BSN: variants seen among roughly 807,000 people sequenced by gnomAD.
BSN encodes bassoon presynaptic cytomatrix protein, also known as protein bassoon.
A neutral mutation model predicts 264.8 loss-of-function variants in BSN; 57 were observed. The observed-to-expected ratio is 0.22, with a 90% CI of 0.17 to 0.27. BSN has a LOEUF of 0.27. Ranked by LOEUF, BSN falls within the 10% of genes least tolerant of loss-of-function variation. The pLI is 1.00. For missense variants in BSN, 4,615 were observed against 5,232.5 expected (o/e 0.88, Z 3.64); for synonymous variants, 2,059 against 2,137.3 (o/e 0.96, Z 1.01).
Position 49,656,478 on chromosome 3 carries a change from G to A in BSN, c.6922G>A (p.Glu2308Lys), listed in dbSNP as rs748209761. The part of the protein sequence containing the change: ...RPEMPVGAAR[E>K]EPLPTTTPAA... ...AGAGATGCCAGTAGGGGCTGCACGG[G>A]AAGAGCCTCTTCCCACAACCACCCC... The change falls in exon 5 of 12, where the codon GAA becomes AAA. Residue 2308 changes from glutamate (E) to lysine (K), a missense_variant. Coordinates refer to ENST00000296452, the MANE Select transcript of BSN (RefSeq NM_003458.4). 14 of 1,597,114 alleles carry A rather than the reference G, an allele frequency of 8.8e-6. No homozygotes were observed. Among genetic ancestry groups the A allele is most frequent in the Non-Finnish European group, 1.1e-5 (13 of 1,170,332 alleles).
Position 49,653,979 on chromosome 3 carries a change from A to G in BSN, c.4423A>G (p.Ser1475Gly), listed in dbSNP as rs2108084075. 1 of 1,613,996 alleles carries G rather than the reference A, an allele frequency of 6.2e-7. No homozygotes were observed. Among genetic ancestry groups the G allele is most frequent in the South Asian group, 1.1e-5 (1 of 91,066 alleles). The change falls in exon 5 of 12, where the codon AGC becomes GGC. Residue 1475 changes from serine (S) to glycine (G), a missense_variant. Transcript: ENST00000296452. This position sits in a 1 kb window ranked among gnomAD's most constrained non-coding sequence, Gnocchi z 6.3. Reference sequence around the variant, plus strand: ...TTCCCGGGCATATTCCTACTTTGCAAGCTCCAGCCCACCTCTCTCCCCGTC... The same window carrying G: ...TTCCCGGGCATATTCCTACTTTGCAGGCTCCAGCCCACCTCTCTCCCCGTC... ...QPSRAYSYFA[S>G]SSPPLSPSSP...
rs1575448198 is a variant in BSN, at chr3:49,652,786, A to G, written c.3230A>G (p.Asp1077Gly). 6.4e-7 allele frequency: 1 copy of G among 1,550,766 alleles called. No individual in the cohort carries two copies. The highest frequency in any genetic ancestry group is 8.7e-7 in the Non-Finnish European group (1 of 1,147,726). The change falls in exon 5 of 12, where the codon GAC becomes GGC. Residue 1077 changes from aspartate to glycine, a missense_variant. By Grantham distance (94) the Asp-to-Gly change is moderately conservative. Coordinates refer to ENST00000296452, the MANE Select transcript of BSN (RefSeq NM_003458.4). ...AGCACGGCCCGCAAGACCCGGCGGG[A>G]CAAGGAAGAACTGCGGGCCCAGCGG... ...IRSTARKTRR[D>G]KEELRAQRRR...
Position 49,660,938 on chromosome 3 carries a change from G to A in BSN, c.9093G>A (p.Gln3031=). 1 of 1,612,042 alleles carries A rather than the reference G, an allele frequency of 6.2e-7. No individual in the cohort carries two copies. Among genetic ancestry groups the A allele is most frequent in the Non-Finnish European group, 8.5e-7 (1 of 1,180,008 alleles). Residue 3031 remains glutamine, a synonymous_variant, in exon 6 of 12, where the codon CAG becomes CAA. Coordinates refer to ENST00000296452, the MANE Select transcript of BSN (RefSeq NM_003458.4). This position sits in a 1 kb window ranked among gnomAD's most constrained non-coding sequence, Gnocchi z 7.1. ...RLQGCTTPAG[Q]FVDFPATAAA... ...AGGGCTGCACCACTCCCGCTGGCCAGTTTGTGGACTTCCCTGCCACTGCCG... is the reference window on the plus strand; with the variant it reads ...AGGGCTGCACCACTCCCGCTGGCCAATTTGTGGACTTCCCTGCCACTGCCG...
intron 2 of BSN, among the ~76,000 whole-genome samples, chr3:49,629,279 CCGTT>C (rs937150007): frequency 2.0e-5 from 3 of 152,248 alleles, no homozygotes; most frequent in African/African-American, 7.2e-5. Flanking sequence ...GTCCACCTTT[CCGTT>C]CTTCAGTGAC....
intron 1 of BSN, among the ~76,000 whole-genome samples, chr3:49,561,050 C>T (rs1053423277): frequency 6.6e-6 from 1 of 152,196 alleles, no homozygotes; most frequent in African/African-American, 2.4e-5. Context: ...CTAAAGAGAG[C>T]TTTGCTCTAG....
intron 1 of BSN, among the ~76,000 whole-genome samples, chr3:49,557,907 G>A (rs184550210): frequency 6.6e-5 from 10 of 152,242 alleles, no homozygotes; most frequent in Admixed American, 2.6e-4. Context: ...ATATCTAGTC[G>A]ATCAGCTAAG....
rs528489349 is a variant in BSN at position 49,651,151 on chromosome 3, G to A, written c.1986+72G>A. ...GTCTATGGAAAGGCTTGCCTCCCTG[G>A]GTGGCTGAGGCTGTAGGCTCAGGAC... On this transcript the variant is annotated intron_variant, in intron 4 of 11. Transcript: ENST00000296452. This position sits in a 1 kb window ranked among gnomAD's most constrained non-coding sequence, Gnocchi z 5.4. 122 of 1,459,358 alleles carry A rather than the reference G, an allele frequency of 8.4e-5. No homozygotes were observed. Among genetic ancestry groups the A allele is most frequent in the South Asian group, 1.3e-4 (10 of 77,534 alleles). The allele number at this position is 1,459,358 out of a possible 1,614,324, so 90.4% of individuals were successfully genotyped here.
At chr3:49,600,015 G>A (rs766154999) in intron 1 of BSN, among the ~76,000 whole-genome samples, 1 of 152,200 alleles carries the variant, frequency 6.6e-6, no homozygotes, top group Non-Finnish European at 1.5e-5. Context: ...ACAGGGATAG[G>A]CCCTTTGTAT....
intron 1 of BSN, among the ~76,000 whole-genome samples, chr3:49,558,622 A>G (rs1402584430): frequency 6.6e-6 from 1 of 152,250 alleles, no homozygotes; most frequent in Non-Finnish European, 1.5e-5. Flanking sequence ...GATAAAATGA[A>G]AGGACATAAT....
chr3:49,656,666 G>A lies in BSN; in HGVS notation c.7110G>A (p.Glu2370=). The A allele has an allele frequency of 6.2e-7, 1 of 1,606,370 alleles. No individual in the cohort carries two copies. Among genetic ancestry groups the A allele is most frequent in the Non-Finnish European group, 8.5e-7 (1 of 1,176,610 alleles). ...SQEERQRKQQ[E]QLLQLERERV... is the part of the protein sequence containing the mutation. ...AGGAGAGGCAGCGGAAGCAACAGGA[G>A]CAGCTGCTCCAGCTAGAGCGGGAGC... The change falls in exon 5 of 12, where the codon GAG becomes GAA. Residue 2370 remains glutamate (E), a synonymous_variant. Coordinates refer to ENST00000296452, the MANE Select transcript of BSN (RefSeq NM_003458.4).
chr3:49,589,588 C>T (rs1485749571), intron 1 of BSN, among the ~76,000 whole-genome samples: 2 of 149,022 alleles, frequency 1.3e-5, no homozygotes, highest in Non-Finnish European at 3.0e-5. Context: ...CTCACAGCAA[C>T]CTCCGCCTTC....
At chr3:49,581,749 A>G (rs983927896) in intron 1 of BSN, among the ~76,000 whole-genome samples, 3 of 152,182 alleles carry the variant, frequency 2.0e-5, no homozygotes, top group African/African-American at 7.2e-5. Flanking sequence ...GCTTGAACCC[A>G]GGAGGCAGAG....
At chr3:49,609,503 G>A (rs142102701) in intron 1 of BSN, among the ~76,000 whole-genome samples, 4 of 152,210 alleles carry the variant, frequency 2.6e-5, no homozygotes, top group Non-Finnish European at 2.9e-5. Flanking sequence ...CCCTGCCAAC[G>A]GCACTGCAGG....
rs774221060 is a variant in BSN, at chr3:49,656,583, G to A, written c.7027G>A (p.Gly2343Arg). The A allele has an allele frequency of 2.5e-6, 4 of 1,592,874 alleles. No homozygotes were observed. The African/African-American group carries it at 5.4e-5, about 21-fold the overall frequency. The change falls in exon 5 of 12, where the codon GGG (glycine) becomes AGG (arginine). Residue 2343 changes from glycine (G) to arginine (R), a missense_variant. Physicochemically the swap from Gly to Arg is moderately radical, Grantham distance 125. Around this residue, in one of 3 missense-constraint regions of BSN, gnomAD observed 3,415 missense variants for 3,866.4 expected, o/e 0.88. Coordinates refer to ENST00000296452, the MANE Select transcript of BSN (RefSeq NM_003458.4). ...GQKPPADAAP[G>R]GGSGALSRPG... The stretch of plus-strand genomic sequence containing the variant: ...GAAGCCACCAGCAGATGCTGCTCCT[G>A]GGGGTGGCAGTGGGGCCCTCAGCCG...
At chr3:49,616,839 C>T (rs2108050725) in intron 1 of BSN, among the ~76,000 whole-genome samples, 1 of 152,302 alleles carries the variant, frequency 6.6e-6, no homozygotes, top group Non-Finnish European at 1.5e-5. Context: ...GAGGGGAGCC[C>T]AGCCTCTCAC....
intron 1 of BSN, among the ~76,000 whole-genome samples, chr3:49,569,651 A>G (rs576438168): frequency 6.6e-6 from 1 of 152,310 alleles, no homozygotes; most frequent in African/African-American, 2.4e-5. Flanking sequence ...GACAGCTGCT[A>G]AAACAGATTA....
chr3:49,615,455 C>G lies in BSN; in HGVS notation c.225-9520C>G, dbSNP rs556764534. On this transcript the variant is annotated intron_variant, in intron 1 of 11. Coordinates refer to ENST00000296452, the MANE Select transcript of BSN (RefSeq NM_003458.4). The stretch of plus-strand genomic sequence containing the variant: ...GGTCTTTTGAGTCTTGGAAACTTAC[C>G]ATCAGAGTGGGACTACAACATAAAG... Among the ~76,000 whole-genome samples the G allele has an allele frequency of 5.9e-5, 9 of 152,248 alleles. No individual in the cohort carries two copies. In the South Asian group the frequency reaches 1.9e-3, roughly 32 times the overall value.
Position 49,663,508 on chromosome 3 carries a change from G to A in BSN, c.11350G>A (p.Gly3784Ser). 6.2e-7 allele frequency: 1 copy of A among 1,612,982 alleles called. No homozygotes were observed. Among genetic ancestry groups the A allele is most frequent in the Non-Finnish European group, 8.5e-7 (1 of 1,179,952 alleles). Reference sequence around the variant, plus strand: ...GCCACAGACACAGCAGCAGCAGCAAGGTCTTGGGCTGCAGCCCCCACAGCA... The same window carrying A: ...GCCACAGACACAGCAGCAGCAGCAAAGTCTTGGGCTGCAGCCCCCACAGCA... Reference protein sequence around the residue: ...RQPQTQQQQQGLGLQPPQQAL... With the variant: ...RQPQTQQQQQSLGLQPPQQAL... The change falls in exon 7 of 12, where the codon GGT becomes AGT. Residue 3784 changes from glycine (G) to serine (S), a missense_variant. Coordinates refer to ENST00000296452, the MANE Select transcript of BSN (RefSeq NM_003458.4).
At chr3:49,578,092 TTAATACATTAGCACAC>T (rs1285948483) in intron 1 of BSN, among the ~76,000 whole-genome samples, 3 of 152,224 alleles carry the variant, frequency 2.0e-5, no homozygotes, top group South Asian at 4.1e-4. Context: ...TTGTGGATGC[TTAATACATTAGCACAC>T]TAATACATGC....
Sources: allele counts gnomAD v4.1 joint callset (sites outside exome capture counted in the v4.1 genomes callset), GRCh38; gene constraint gnomAD v4.1.1; regional missense constraint gnomAD v4.1.1; non-coding constraint Gnocchi (gnomAD v3.1); transcripts MANE v1.5; gene names NCBI Gene and HGNC (gene_info 2026-07-23, HGNC 2026-07-21).